DCDC1: variants seen among roughly 807,000 people sequenced by gnomAD.
DCDC1 encodes the protein doublecortin domain containing 1, also known as doublecortin domain-containing protein 1.
DCDC1 carries 200 observed loss-of-function variants against 178.3 expected under a neutral mutation model. That is an observed-to-expected ratio of 1.12 (90% CI 1.00 to 1.26). The LOEUF (loss-of-function observed/expected upper bound fraction) is 1.26, where lower values mean the gene tolerates loss of function less well. DCDC1 is among the 50% of genes most tolerant of loss of function. The probability of loss-of-function intolerance (pLI) is 0.00; values close to 1 mark genes in which losing one functional copy is unlikely to be tolerated. For missense variants in DCDC1, 1,983 were observed against 1,749.2 expected (o/e 1.13, Z -2.38); for synonymous variants, 690 against 604.8 (o/e 1.14, Z -2.07).
At position 31,359,327 on chromosome 11, in the gene DCDC1, C is replaced by A. The variant is rs145515234; in HGVS notation, c.-125+10370G>T. 3.7e-3 allele frequency among the ~76,000 whole-genome samples: 552 copies of A among 150,528 alleles called. 29 individuals are homozygous for A. In the East Asian group the frequency reaches 0.098, roughly 27 times the overall value. ...GAAATCATCATTCTCGGTAAACTAT[C>A]GCAAGAACAAAAAACCAAACACCGC... On this transcript the variant is annotated intron_variant, in intron 1 of 38. Transcript: ENST00000684477.
chr11:31,347,471 A>C (rs1950873122), intron 1 of DCDC1, among the ~76,000 whole-genome samples: 1 of 152,178 alleles, frequency 6.6e-6, no homozygotes, highest in African/African-American at 2.4e-5. Flanking sequence ...CACCAAGTAC[A>C]TTACCAGGCA....
intron 7 of DCDC1, among the ~76,000 whole-genome samples, chr11:31,279,373 C>T (rs1225938474): frequency 6.6e-6 from 1 of 152,004 alleles, no homozygotes; most frequent in Non-Finnish European, 1.5e-5. Context: ...AAAGACAATC[C>T]TAAATTATTA....
rs576823257 is a variant in DCDC1 at position 31,114,091 on chromosome 11, A to T, written c.1486-3730T>A. Among the ~76,000 whole-genome samples the T allele has an allele frequency of 2.1e-3, 320 of 152,268 alleles. 1 individual carries two copies. Among genetic ancestry groups the T allele is most frequent in the Non-Finnish European group, 3.8e-3 (256 of 68,018 alleles). On this transcript the variant is annotated intron_variant, in intron 11 of 38. Coordinates refer to ENST00000684477, the MANE Select transcript of DCDC1 (RefSeq NM_001387274.1). ...CTTCCTGGAAGCTCTTTCCATACCA[A>T]AATGGCTAGTACTAACTGAGCTATA...
intron 20 of DCDC1, among the ~76,000 whole-genome samples, chr11:31,036,011 G>A (rs925402648): frequency 2.0e-5 from 3 of 151,890 alleles, no homozygotes; most frequent in African/African-American, 7.3e-5. Flanking sequence ...TTTTCAGATT[G>A]GCTCCTGTGC....
At chr11:30,868,564 T>G (rs1301224230) in intron 38 of DCDC1, among the ~76,000 whole-genome samples, 1 of 152,012 alleles carries the variant, frequency 6.6e-6, no homozygotes, top group Non-Finnish European at 1.5e-5. Context: ...ACCTGCTCTA[T>G]AGAGAGGGTG....
intron 18 of DCDC1, among the ~76,000 whole-genome samples, chr11:31,068,841 C>G (rs1395764369): frequency 6.6e-6 from 1 of 151,556 alleles, no homozygotes; most frequent in East Asian, 1.9e-4. Context: ...AGAGACTTTA[C>G]TTCTCATTAA....
intron 20 of DCDC1, among the ~76,000 whole-genome samples, chr11:30,954,106 C>T (rs1410217137): frequency 6.6e-6 from 1 of 150,516 alleles, no homozygotes; most frequent in Non-Finnish European, 1.5e-5. Flanking sequence ...AACTCCGCCT[C>T]CCGGGTTCAC....
chr11:31,279,917 T>A (rs1349350688), intron 7 of DCDC1, among the ~76,000 whole-genome samples: 1 of 152,044 alleles, frequency 6.6e-6, no homozygotes, highest in Non-Finnish European at 1.5e-5. Flanking sequence ...TAAAAGATTA[T>A]CTGTAATTTT....
intron 20 of DCDC1, among the ~76,000 whole-genome samples, chr11:30,971,125 A>T (rs1462450959): frequency 6.6e-6 from 1 of 152,192 alleles, no homozygotes; most frequent in African/African-American, 2.4e-5. Context: ...TACTGACCCA[A>T]CCAACACCGT....
At chr11:31,067,098 T>G (rs992613970) in intron 18 of DCDC1, among the ~76,000 whole-genome samples, 1 of 152,102 alleles carries the variant, frequency 6.6e-6, no homozygotes, top group Non-Finnish European at 1.5e-5. Flanking sequence ...TAAATTGTAC[T>G]ACATCAAAAT....
chr11:31,316,067 C>T (rs1322660509), intron 3 of DCDC1, among the ~76,000 whole-genome samples: 2 of 96,674 alleles, frequency 2.1e-5, no homozygotes, highest in Admixed American at 2.2e-4. Context: ...TTGGACATTT[C>T]GGTTGGTTCC....
chr11:31,168,407 T>A (rs910782627), intron 9 of DCDC1, among the ~76,000 whole-genome samples: 1 of 152,230 alleles, frequency 6.6e-6, no homozygotes, highest in African/African-American at 2.4e-5. Flanking sequence ...TTATTTGATA[T>A]TTGTATATTT....
At chr11:31,047,075 T>C (rs2135387894) in intron 20 of DCDC1, among the ~76,000 whole-genome samples, 1 of 152,278 alleles carries the variant, frequency 6.6e-6, no homozygotes, top group Non-Finnish European at 1.5e-5. Context: ...AGGTGGCGTA[T>C]CCTCATGTAC....
intron 20 of DCDC1, among the ~76,000 whole-genome samples, chr11:30,982,499 G>A (rs895926813): frequency 6.6e-6 from 1 of 151,910 alleles, no homozygotes; most frequent in Non-Finnish European, 1.5e-5. Flanking sequence ...GACCAAAGGA[G>A]CCTTAGGAAT....
At position 31,232,442 on chromosome 11, in the gene DCDC1, T is replaced by A. The variant is rs11031326; in HGVS notation, c.1221+9008A>T. 3.4e-3 allele frequency among the ~76,000 whole-genome samples: 512 copies of A among 152,242 alleles called. 3 individuals carry two copies. The highest frequency in any genetic ancestry group is 6.0e-3 in the Non-Finnish European group (411 of 68,012). On this transcript the variant is annotated intron_variant, in intron 9 of 38. Coordinates refer to ENST00000684477, the MANE Select transcript of DCDC1 (RefSeq NM_001387274.1). ...TCCTATCTATACCCACTGCCCTTAA[T>A]TCTTTAACGCCAATTTTTTCTTTAA...
At chr11:31,029,315 A>G (rs906047199) in intron 20 of DCDC1, among the ~76,000 whole-genome samples, 2 of 152,100 alleles carry the variant, frequency 1.3e-5, no homozygotes, top group African/African-American at 4.8e-5. Context: ...AAAAAATACA[A>G]TCTATTTTTT....
At chr11:31,353,973 G>A (rs756362740) in intron 1 of DCDC1, among the ~76,000 whole-genome samples, 5 of 152,172 alleles carry the variant, frequency 3.3e-5, no homozygotes, top group Middle Eastern at 6.8e-3. Flanking sequence ...CAAACTTTAA[G>A]AAGTCCAAAA....
rs1977123888 is a variant in DCDC1, at chr11:31,241,465, T to C, written c.1206A>G (p.Lys402=). 7.6e-6 allele frequency: 3 copies of C among 397,072 alleles called. No homozygotes were observed. The highest frequency in any genetic ancestry group is 8.9e-6 in the Non-Finnish European group (2 of 224,774). 24.6% of individuals were successfully genotyped at this position (397,072 alleles called of 1,614,324 possible). Residue 402 remains lysine, a synonymous_variant, in exon 9 of 39, where the codon AAA becomes AAG. Coordinates refer to ENST00000684477, the MANE Select transcript of DCDC1 (RefSeq NM_001387274.1). ...LALYQRLKSA[K]KYYKQLNLVM... ...GATGACTCACCTGTTTATAATATTT[T>C]TTTGCAGACTTTAATCGTTGGTACA...
At chr11:31,118,892 A>C (rs1402605383) in intron 11 of DCDC1, among the ~76,000 whole-genome samples, 1 of 152,198 alleles carries the variant, frequency 6.6e-6, no homozygotes, top group Non-Finnish European at 1.5e-5. Context: ...TTTGATACAG[A>C]CGCAGTTTTT....
Sources: gnomAD v4.1 joint callset for allele counts (sites outside exome capture counted in the v4.1 genomes callset) on GRCh38, gnomAD v4.1.1 for gene constraint, MANE v1.5 for transcripts, NCBI Gene and HGNC (gene_info 2026-07-23, HGNC 2026-07-21) for gene names.